The following STAG1 variants were observed in gnomAD, a reference collection of about 807,000 sequenced individuals.
STAG1 encodes cohesin subunit SA-1.
STAG1 carries 26 observed loss-of-function variants against 170.9 expected under a neutral mutation model. That is an observed-to-expected ratio of 0.15 (90% CI 0.11 to 0.21). STAG1 has a LOEUF of 0.21. Among genes scored for constraint, STAG1 ranks in the 10% least tolerant of loss-of-function variants. STAG1 has a pLI of 1.00. For synonymous variants in STAG1, 514 were observed against 497.7 expected (o/e 1.03, Z -0.44); for missense variants, 964 against 1,509.5 (o/e 0.64, Z 5.99).
intron 16 of STAG1, among the ~76,000 whole-genome samples, chr3:136,432,653 C>G (rs2088342361): frequency 6.6e-6 from 1 of 152,048 alleles, no homozygotes. Context: ...ACTACAGGTG[C>G]ATGCCACCCT....
In STAG1 at chr3:136,338,232, A is replaced by G. The variant is rs376156087; in HGVS notation, c.*22T>C. 155 of 1,572,152 alleles carry G rather than the reference A, an allele frequency of 9.9e-5. No homozygotes were observed. The highest frequency in any genetic ancestry group is 1.2e-4 in the Non-Finnish European group (143 of 1,144,600). ...CTAGCTCTAAATAATAGAGTTCCAG[A>G]TTTGTAAATTTTCTTCAGACTTCAG... On this transcript the variant is annotated 3_prime_UTR_variant, in exon 34 of 34. Coordinates refer to ENST00000383202, the MANE Select transcript of STAG1 (RefSeq NM_005862.3).
intron 12 of STAG1, among the ~76,000 whole-genome samples, chr3:136,469,702 G>C (rs2089571280): frequency 6.6e-6 from 1 of 152,172 alleles, no homozygotes; most frequent in African/African-American, 2.4e-5. Flanking sequence ...AAAGAACAAA[G>C]CTGGAGGCAT....
intron 23 of STAG1, among the ~76,000 whole-genome samples, chr3:136,372,261 G>C (rs898879641): frequency 1.3e-5 from 2 of 152,112 alleles, no homozygotes; most frequent in Admixed American, 1.3e-4. Context: ...GAGACGATGG[G>C]GTTTTCTAAA....
chr3:136,611,441 G>A (rs1939271424), intron 3 of STAG1, among the ~76,000 whole-genome samples: 1 of 151,704 alleles, frequency 6.6e-6, no homozygotes, highest in South Asian at 2.1e-4. Flanking sequence ...AAGCCATCGT[G>A]CCTGGCCATA....
intron 5 of STAG1, among the ~76,000 whole-genome samples, chr3:136,554,266 TAAG>T (rs1936521491): frequency 6.6e-6 from 1 of 151,964 alleles, no homozygotes; most frequent in Admixed American, 6.6e-5. Context: ...GAAAGGCAGT[TAAG>T]AAGAAATCAA....
chr3:136,750,071 GA>G (rs1313074567), intron 1 of STAG1, among the ~76,000 whole-genome samples: 2 of 151,902 alleles, frequency 1.3e-5, no homozygotes, highest in Non-Finnish European at 2.9e-5. Flanking sequence ...CAGAATCAAG[GA>G]AAAAAAGATT....
intron 6 of STAG1, among the ~76,000 whole-genome samples, chr3:136,523,240 G>A (rs971796599): frequency 8.5e-5 from 13 of 152,162 alleles, no homozygotes; most frequent in South Asian, 2.1e-4. Flanking sequence ...GTCATTTCCC[G>A]GCTTTTTAAT....
chr3:136,520,503 T>C (rs1049790977), intron 7 of STAG1, among the ~76,000 whole-genome samples: 10 of 151,882 alleles, frequency 6.6e-5, no homozygotes, highest in African/African-American at 1.7e-4. Flanking sequence ...ATGAAAAAAA[T>C]AGTCATTTTA....
intron 1 of STAG1, among the ~76,000 whole-genome samples, chr3:136,653,389 C>T (rs1456478484): frequency 6.6e-6 from 1 of 152,126 alleles, no homozygotes; most frequent in African/African-American, 2.4e-5. Flanking sequence ...GAGCAATAGA[C>T]AGCCATTACA....
At position 136,601,410 on chromosome 3, in the gene STAG1, AAGAGAGAAAC is replaced by A. The variant is rs1391227681; in HGVS notation, c.297+2889_297+2898del. 2.6e-5 allele frequency among the ~76,000 whole-genome samples: 4 copies of A among 152,232 alleles called. No individual in the cohort carries two copies. In the East Asian group the frequency reaches 7.7e-4, roughly 29 times the overall value. Reference sequence around the variant, plus strand: ...GTAAAAATAACATGAAGCAGATTTCAAGAGAGAAACAGTAAGAAGAAGTTGAAAGGTGGGT... The same window carrying A: ...GTAAAAATAACATGAAGCAGATTTCAAGTAAGAAGAAGTTGAAAGGTGGGT... On this transcript the variant is annotated intron_variant, in intron 4 of 33. Coordinates refer to ENST00000383202, the MANE Select transcript of STAG1 (RefSeq NM_005862.3).
In STAG1 at chr3:136,672,306, C is replaced by T. The variant is rs145478902; in HGVS notation, c.-83-41325G>A. ...TTTTCAATAGATGTGTATGTGCACACAGATGTGTGTTTCAACACAAAACCT... is the reference window on the plus strand; with the variant it reads ...TTTTCAATAGATGTGTATGTGCACATAGATGTGTGTTTCAACACAAAACCT... On this transcript the variant is annotated intron_variant, in intron 1 of 33. Transcript: ENST00000383202. 1.7e-3 allele frequency among the ~76,000 whole-genome samples: 264 copies of T among 152,300 alleles called. 1 individual carries two copies. The highest frequency in any genetic ancestry group is 5.9e-3 in the African/African-American group (247 of 41,572).
At chr3:136,744,823 A>G (rs1934854575) in intron 1 of STAG1, among the ~76,000 whole-genome samples, 2 of 151,980 alleles carry the variant, frequency 1.3e-5, no homozygotes, top group South Asian at 4.1e-4. Context: ...CTACAGGCAC[A>G]TGCCACCACA....
intron 30 of STAG1, among the ~76,000 whole-genome samples, chr3:136,342,911 C>T (rs1936041507): frequency 6.6e-6 from 1 of 152,198 alleles, no homozygotes; most frequent in South Asian, 2.1e-4. Context: ...TCTTCGGATG[C>T]TTGCCATAAG....
intron 1 of STAG1, among the ~76,000 whole-genome samples, chr3:136,713,955 C>T (rs1452474231): frequency 1.3e-5 from 2 of 151,728 alleles, no homozygotes; most frequent in Non-Finnish European, 2.9e-5. Flanking sequence ...ACCCAGGAGG[C>T]AGAGGTTGCA....
At chr3:136,616,244 G>A (rs1361653877) in intron 3 of STAG1, among the ~76,000 whole-genome samples, 1 of 150,306 alleles carries the variant, frequency 6.7e-6, no homozygotes, top group Non-Finnish European at 1.5e-5. Context: ...ACTCCAGCCT[G>A]GGCGACAGAG....
intron 22 of STAG1, among the ~76,000 whole-genome samples, chr3:136,396,520 C>CTTTTTTTTTTTTTTTTT (rs146270857): frequency 9.2e-5 from 4 of 43,658 alleles, no homozygotes; most frequent in Admixed American, 3.4e-4. Flanking sequence ...CGCGCCTGGC[C>CTTTTTTTTTTTTTTTTT]TTTTTTTTTT....
chr3:136,463,786 C>CACACAA (rs1553725833), intron 13 of STAG1, among the ~76,000 whole-genome samples: 1 of 132,604 alleles, frequency 7.5e-6, no homozygotes, highest in Non-Finnish European at 1.7e-5. Flanking sequence ...CACACACACA[C>CACACAA]ACACATATAC....
chr3:136,366,872 T>A (rs1576394447), intron 25 of STAG1, 71 bp downstream of exon 25: 2 of 1,332,660 alleles, frequency 1.5e-6, no homozygotes, highest in African/African-American at 2.9e-5. Flanking sequence ...TTAGCTTCTG[T>A]CATCATCCTT....
chr3:136,439,655 T>C (rs1331683025), intron 15 of STAG1, among the ~76,000 whole-genome samples: 1 of 152,204 alleles, frequency 6.6e-6, no homozygotes, highest in Non-Finnish European at 1.5e-5. Context: ...AGCAAAATAC[T>C]AGCACAGAAA....
Sources: gnomAD v4.1 joint callset for allele counts (sites outside exome capture counted in the v4.1 genomes callset) on GRCh38, gnomAD v4.1.1 for gene constraint, MANE v1.5 for transcripts, NCBI Gene and HGNC (gene_info 2026-07-23, HGNC 2026-07-21) for gene names.